The following NR3C2 variants were observed in gnomAD, a reference collection of about 807,000 sequenced individuals.
The protein encoded by NR3C2 is nuclear receptor subfamily 3 group C member 2, also known as mineralocorticoid receptor.
A neutral mutation model predicts 86.4 loss-of-function variants in NR3C2; 15 were observed. The ratio of observed to expected loss-of-function variants is 0.17; its 90% CI spans 0.12 to 0.27. The LOEUF (loss-of-function observed/expected upper bound fraction) is 0.27, where lower values mean the gene tolerates loss of function less well. Among genes scored for constraint, NR3C2 ranks in the 10% least tolerant of loss-of-function variants. The probability of loss-of-function intolerance (pLI) is 1.00; values close to 1 mark genes in which losing one functional copy is unlikely to be tolerated. For synonymous variants in NR3C2, 458 were observed against 450.5 expected, an observed-to-expected ratio of 1.02 and a Z score of -0.21; for missense variants, 960 against 1,195.6, an observed-to-expected ratio of 0.80 and a Z score of 2.91.
chr4:148,261,206 C>T (rs112179532), intron 2 of NR3C2, among the ~76,000 whole-genome samples: 12 of 151,830 alleles, frequency 7.9e-5, no homozygotes, highest in South Asian at 4.2e-4. Flanking sequence ...CTATGGTAAG[C>T]GCTATGGTAA....
intron 3 of NR3C2, among the ~76,000 whole-genome samples, chr4:148,212,958 C>A (rs1345097827): frequency 3.3e-5 from 5 of 152,056 alleles, no homozygotes. Flanking sequence ...GTGTTAAGTG[C>A]ATTTTAAGGT....
chr4:148,135,940 C>G (rs926336738), intron 6 of NR3C2, among the ~76,000 whole-genome samples: 1 of 126,188 alleles, frequency 7.9e-6, no homozygotes. Flanking sequence ...GCCTGTAGTC[C>G]CAGCTACTTG....
chr4:148,219,921 C>T (rs1737744767), intron 3 of NR3C2, among the ~76,000 whole-genome samples: 1 of 151,982 alleles, frequency 6.6e-6, no homozygotes, highest in African/African-American at 2.4e-5. Flanking sequence ...TTGGGATTTT[C>T]AATAATTTTT....
intron 2 of NR3C2, among the ~76,000 whole-genome samples, chr4:148,318,720 G>T (rs1561038555): frequency 6.6e-6 from 1 of 151,668 alleles, no homozygotes; most frequent in African/African-American, 2.4e-5. Context: ...TTTTGATGGG[G>T]TTGTTTGTTT....
intron 2 of NR3C2, among the ~76,000 whole-genome samples, chr4:148,301,040 T>C (rs1742314867): frequency 6.6e-6 from 1 of 152,172 alleles, no homozygotes. Context: ...TCAAAGTCTG[T>C]CTTTGTCAGC....
At chr4:148,170,231 A>G (rs1357479309) in intron 4 of NR3C2, among the ~76,000 whole-genome samples, 1 of 152,226 alleles carries the variant, frequency 6.6e-6, no homozygotes, top group Non-Finnish European at 1.5e-5. Context: ...TTCCAGGGGT[A>G]AAATCACCCC....
At chr4:148,282,374 G>A (rs1266348761) in intron 2 of NR3C2, among the ~76,000 whole-genome samples, 1 of 151,964 alleles carries the variant, frequency 6.6e-6, no homozygotes, top group Non-Finnish European at 1.5e-5. Flanking sequence ...TTTCCTACAT[G>A]GTAGGCTCAG....
intron 2 of NR3C2, among the ~76,000 whole-genome samples, chr4:148,341,270 C>T (rs1427458824): frequency 1.3e-5 from 2 of 152,060 alleles, no homozygotes; most frequent in East Asian, 1.9e-4. Flanking sequence ...GAATATTATT[C>T]GCCCATGAAA....
chr4:148,242,896 T>G (rs1739130006), intron 3 of NR3C2, among the ~76,000 whole-genome samples: 1 of 152,204 alleles, frequency 6.6e-6, no homozygotes, highest in Non-Finnish European at 1.5e-5. Context: ...AAAAGTTTTA[T>G]GTGTACTCAA....
chr4:148,317,916 G>A (rs1351482996), intron 2 of NR3C2, among the ~76,000 whole-genome samples: 4 of 150,224 alleles, frequency 2.7e-5, no homozygotes, highest in East Asian at 3.9e-4. Flanking sequence ...GGGTACATGT[G>A]CACATTCTGC....
At chr4:148,200,648 T>G (rs750291175) in intron 3 of NR3C2, among the ~76,000 whole-genome samples, 3 of 152,212 alleles carry the variant, frequency 2.0e-5, no homozygotes, top group Non-Finnish European at 2.9e-5. Flanking sequence ...ATATATCAGT[T>G]TCCTGACTTG....
chr4:148,363,506 C>CTTTTTTTTTTTTTTTTTTTTTTTTT (rs58978966), intron 2 of NR3C2, among the ~76,000 whole-genome samples: 1 of 110,760 alleles, frequency 9.0e-6, no homozygotes, highest in African/African-American at 3.5e-5. Flanking sequence ...TCATAGATCT[C>CTTTTTTTTTTTTTTTTTTTTTTTTT]TTTTTTTTTT....
intron 4 of NR3C2, 82 bp from the exon 5 acceptor site, chr4:148,154,983 C>T: frequency 8.9e-7 from 1 of 1,118,816 alleles, no homozygotes; most frequent in East Asian, 2.6e-5. Flanking sequence ...GTACAGTTTT[C>T]CTCTAAATAG....
chr4:148,100,605 C>T (rs1219600363), intron 8 of NR3C2, among the ~76,000 whole-genome samples: 3 of 152,182 alleles, frequency 2.0e-5, no homozygotes, highest in African/African-American at 7.2e-5. Context: ...AATTAGAATC[C>T]TTGTTCACTG....
chr4:148,231,260 G>A (rs764053299), intron 3 of NR3C2, among the ~76,000 whole-genome samples: 9 of 152,136 alleles, frequency 5.9e-5, no homozygotes, highest in African/African-American at 1.4e-4. Context: ...ATTTCACAAC[G>A]AACCAAAACT....
At chr4:148,275,501 G>T (rs1287579803) in intron 2 of NR3C2, among the ~76,000 whole-genome samples, 1 of 151,842 alleles carries the variant, frequency 6.6e-6, no homozygotes, top group East Asian at 1.9e-4. Flanking sequence ...CGTGATCACG[G>T]CTTACTGCAA....
chr4:148,354,424 G>A (rs1048080127), intron 2 of NR3C2, among the ~76,000 whole-genome samples: 2 of 152,090 alleles, frequency 1.3e-5, no homozygotes, highest in South Asian at 2.1e-4. Context: ...CTATGGTGCC[G>A]GGTTGTCAGT....
chr4:148,400,740 C>G (rs1414154258), intron 2 of NR3C2, among the ~76,000 whole-genome samples: 7 of 145,044 alleles, frequency 4.8e-5, no homozygotes, highest in Non-Finnish European at 1.0e-4. Flanking sequence ...ATCCATGCCA[C>G]TGCACTCCAG....
intron 6 of NR3C2, among the ~76,000 whole-genome samples, chr4:148,139,602 T>C (rs1733515823): frequency 6.6e-6 from 1 of 152,206 alleles, no homozygotes; most frequent in African/African-American, 2.4e-5. Flanking sequence ...GCACAGATGA[T>C]GTCTGTGATG....
Sources: gnomAD v4.1 joint callset for allele counts (sites outside exome capture counted in the v4.1 genomes callset) on GRCh38, gnomAD v4.1.1 for gene constraint, MANE v1.5 for transcripts, NCBI Gene and HGNC (gene_info 2026-07-23, HGNC 2026-07-21) for gene names.